The following GNL3L variants were observed in gnomAD, a reference collection of about 807,000 sequenced individuals.
The protein encoded by GNL3L is G protein nucleolar 3 like, also known as guanine nucleotide-binding protein-like 3-like protein.
GNL3L carries 4 observed loss-of-function variants against 42.9 expected under a neutral mutation model. That is an observed-to-expected ratio of 0.09 (90% CI 0.05 to 0.21). The LOEUF (loss-of-function observed/expected upper bound fraction) is 0.21. GNL3L is among the 10% of genes least tolerant of loss of function. GNL3L has a pLI of 1.00. For synonymous variants in GNL3L, 159 were observed against 176.3 expected (o/e 0.90, Z 0.78); for missense variants, 412 against 481.7 (o/e 0.86, Z 1.36).
At chrX:54,554,496 G>A in intron 13 of GNL3L, 69 bp from the exon 14 acceptor site, 1 of 1,116,799 alleles carries the variant, frequency 9.0e-7, no homozygotes, top group South Asian at 1.9e-5. Context: ...CCTTTTCACT[G>A]AGGCCTGACC....
At chrX:54,573,570 CG>C (rs1440709192) in intron 16 of GNL3L, among the ~76,000 whole-genome samples, 1 of 110,659 alleles carries the variant, frequency 9.0e-6, no homozygotes, top group Non-Finnish European at 1.9e-5. Context: ...GACAGAGTCT[CG>C]GTAGTTTCTA....
At chrX:54,537,905 A>G (rs6612165) in intron 2 of GNL3L, among the ~76,000 whole-genome samples, 38,982 of 110,218 alleles carry the variant, frequency 0.35, 8,483 homozygotes, top group African/African-American at 0.8. Context: ...CACGGCACCC[A>G]GCTTTTGAAT....
intron 16 of GNL3L, among the ~76,000 whole-genome samples, chrX:54,583,151 A>G (rs1362718565): frequency 9.0e-6 from 1 of 111,267 alleles, no homozygotes; most frequent in Admixed American, 9.6e-5. Context: ...CACAGAGCGA[A>G]TGTTTTAAAA....
chrX:54,559,251 C>G (rs1200049315), intron 15 of GNL3L, among the ~76,000 whole-genome samples: 1 of 111,319 alleles, frequency 9.0e-6, no homozygotes, highest in African/African-American at 3.3e-5. Context: ...ACTGGCCTGC[C>G]TAGTCTATGT....
chrX:54,616,164 A>G (rs923980332), intron 16 of GNL3L, among the ~76,000 whole-genome samples: 1 of 113,058 alleles, frequency 8.8e-6, no homozygotes, highest in African/African-American at 3.2e-5. Context: ...TTCTCTGGGC[A>G]CAGTGAGAAG....
At chrX:54,585,485 A>G (rs1925771941) in intron 16 of GNL3L, among the ~76,000 whole-genome samples, 1 of 111,326 alleles carries the variant, frequency 9.0e-6, no homozygotes, top group Non-Finnish European at 1.9e-5. Context: ...TCCAGTCATT[A>G]GGTTTATGTT....
At chrX:54,590,009 G>A (rs1204633633) in intron 16 of GNL3L, among the ~76,000 whole-genome samples, 2 of 109,574 alleles carry the variant, frequency 1.8e-5, no homozygotes, top group African/African-American at 3.3e-5. Context: ...GTGTGACCTC[G>A]GCTCACTGCA....
At chrX:54,608,775 G>C (rs924412595) in intron 16 of GNL3L, among the ~76,000 whole-genome samples, 2 of 112,175 alleles carry the variant, frequency 1.8e-5, no homozygotes, top group African/African-American at 6.5e-5. Flanking sequence ...ATTTGGGTTG[G>C]TTCCACGATT....
chrX:54,586,647 T>G (rs1925786267), intron 16 of GNL3L, among the ~76,000 whole-genome samples: 1 of 112,428 alleles, frequency 8.9e-6, no homozygotes, highest in Non-Finnish European at 1.9e-5. Context: ...TCCTCAGTAG[T>G]AGGGCCACAG....
At chrX:54,603,873 G>A (rs1455788944) in intron 16 of GNL3L, among the ~76,000 whole-genome samples, 3 of 111,789 alleles carry the variant, frequency 2.7e-5, no homozygotes, top group Non-Finnish European at 5.6e-5. Context: ...AAAGGGGCCA[G>A]GAGTGGTGGC....
At chrX:54,603,076 C>T (rs901282490) in intron 16 of GNL3L, among the ~76,000 whole-genome samples, 1 of 111,935 alleles carries the variant, frequency 8.9e-6, no homozygotes, top group African/African-American at 3.2e-5. Flanking sequence ...AAGCCTAGAA[C>T]ATCTTGCTGT....
intron 13 of GNL3L, among the ~76,000 whole-genome samples, chrX:54,554,064 G>A (rs1205621281): frequency 9.0e-6 from 1 of 111,111 alleles, no homozygotes; most frequent in Non-Finnish European, 1.9e-5. Flanking sequence ...CTTGAAGGGT[G>A]AGTAGGGATT....
intron 16 of GNL3L, among the ~76,000 whole-genome samples, chrX:54,590,146 G>C (rs182548080): frequency 1.8e-5 from 2 of 110,980 alleles, no homozygotes; most frequent in South Asian, 7.6e-4. Context: ...CACCAGGTTG[G>C]TCAGGCTGGT....
rs948208465 is a variant in GNL3L, at chrX:54,562,226, A to G, written c.*1624A>G. Among the ~76,000 whole-genome samples the G allele has an allele frequency of 8.9e-6, 1 of 111,843 alleles. No individual in the cohort carries two copies. The highest frequency in any genetic ancestry group is 9.5e-5 in the Admixed American group (1 of 10,554). ...ACGCCTGGCTAGTTTTTGTATTTTT[A>G]GTAGAGACGATGTTTCACCATGTTG... On this transcript the variant is annotated 3_prime_UTR_variant, in exon 16 of 16. Coordinates refer to ENST00000360845, the MANE Select transcript of GNL3L (RefSeq NM_001184819.2).
chrX:54,615,138 C>A lies in GNL3L; in HGVS notation c.*46-5707C>A, dbSNP rs189966396. On this transcript the variant is annotated intron_variant, in intron 16 of 16. Transcript: ENST00000674498. Reference sequence around the variant, plus strand: ...TTCTTTTTCTATGCATTTATCTGTTCTGAATACCTCATATTAAATAGAATC... The same window carrying A: ...TTCTTTTTCTATGCATTTATCTGTTATGAATACCTCATATTAAATAGAATC... Among the ~76,000 whole-genome samples the A allele has an allele frequency of 3.9e-3, 440 of 112,290 alleles. 2 individuals are homozygous for A. The highest frequency in any genetic ancestry group is 0.013 in the African/African-American group (402 of 30,963).
chrX:54,620,099 C>A (rs961523180), intron 16 of GNL3L, among the ~76,000 whole-genome samples: 6 of 111,632 alleles, frequency 5.4e-5, no homozygotes, highest in African/African-American at 2.0e-4. Flanking sequence ...TCCATCCATT[C>A]AAGCATTTAT....
At chrX:54,556,538 T>C in intron 14 of GNL3L, among the ~76,000 whole-genome samples, 4 of 110,988 alleles carry the variant, frequency 3.6e-5, no homozygotes. Flanking sequence ...TGAGGAGTTC[T>C]CTGGGCAAGG....
intron 13 of GNL3L, among the ~76,000 whole-genome samples, chrX:54,552,954 AAGTATAGAC>A (rs1924990516): frequency 8.9e-6 from 1 of 111,959 alleles, no homozygotes; most frequent in Non-Finnish European, 1.9e-5. Flanking sequence ...GGGTGTCCAA[AAGTATAGAC>A]TGCCTGGATT....
intron 16 of GNL3L, among the ~76,000 whole-genome samples, chrX:54,583,211 A>G: frequency 9.1e-6 from 1 of 110,460 alleles, no homozygotes; most frequent in East Asian, 2.8e-4. Flanking sequence ...ATTTTTTTTG[A>G]GACAGAGTTT....
Sources: allele counts gnomAD v4.1 joint callset (sites outside exome capture counted in the v4.1 genomes callset), GRCh38; gene constraint gnomAD v4.1.1; transcripts MANE v1.5; gene names NCBI Gene and HGNC (gene_info 2026-07-23, HGNC 2026-07-21).